CCDC88C: variants seen among roughly 807,000 people sequenced by gnomAD.
CCDC88C encodes the protein coiled-coil and HOOK domain protein 88C, also known as protein Daple.
Under a neutral mutation model 198.8 loss-of-function variants are expected in CCDC88C, and 131 were observed. The ratio of observed to expected loss-of-function variants is 0.66; its 90% CI spans 0.57 to 0.76. The LOEUF (loss-of-function observed/expected upper bound fraction) is 0.76, where lower values mean the gene tolerates loss of function less well. Among genes scored for constraint, CCDC88C ranks in the 30% least tolerant of loss-of-function variants. The pLI is 0.00. For synonymous variants in CCDC88C, 1,166 were observed against 1,114.7 expected (o/e 1.05, Z -0.92); for missense variants, 2,553 against 2,631.6 (o/e 0.97, Z 0.65).
In CCDC88C at chr14:91,272,502, C is replaced by T. The variant is rs1478746843; in HGVS notation, c.*123G>A. ...ATTCACAGAACAAACAGCAGAAATG[C>T]GTGGGAACCCCTTTCCTCATTCCAA... On this transcript the variant is annotated 3_prime_UTR_variant, in exon 30 of 30. Coordinates refer to ENST00000389857, the MANE Select transcript of CCDC88C (RefSeq NM_001080414.4). 2.9e-5 allele frequency: 28 copies of T among 975,072 alleles called. No individual in the cohort carries two copies. The East Asian group carries it at 5.7e-4, about 20-fold the overall frequency. The allele number at this position is 975,072 out of a possible 1,614,324, so 60.4% of individuals were successfully genotyped here. A position where few individuals can be genotyped will look rare whatever the true frequency, so the allele number is the denominator to read the frequency against.
At chr14:91,299,385 T>C (rs554752241) in intron 21 of CCDC88C, among the ~76,000 whole-genome samples, 2 of 152,322 alleles carry the variant, frequency 1.3e-5, no homozygotes, top group African/African-American at 4.8e-5. Flanking sequence ...GAAGAGATTC[T>C]GAAAGGGACA....
At chr14:91,309,776 G>A in intron 16 of CCDC88C, 83 bp downstream of exon 16, 1 of 1,443,156 alleles carries the variant, frequency 6.9e-7, no homozygotes, top group Non-Finnish European at 9.4e-7. Context: ...GTTCATGGAG[G>A]TCTCAGGGGA....
intron 23 of CCDC88C, among the ~76,000 whole-genome samples, chr14:91,293,362 C>T (rs1351145591): frequency 5.2e-5 from 5 of 95,756 alleles, no homozygotes; most frequent in African/African-American, 1.3e-4. Context: ...TCGCCTGCCA[C>T]GGCCCACCTT....
intron 4 of CCDC88C, among the ~76,000 whole-genome samples, chr14:91,358,762 C>G (rs1894156898): frequency 6.6e-6 from 1 of 152,110 alleles, no homozygotes; most frequent in Non-Finnish European, 1.5e-5. Context: ...CTCGGCCTCC[C>G]AAAGTTTTGG....
At chr14:91,310,870 T>A (rs889358822) in intron 15 of CCDC88C, among the ~76,000 whole-genome samples, 4 of 152,114 alleles carry the variant, frequency 2.6e-5, no homozygotes, top group South Asian at 4.1e-4. Context: ...TACCAAATCC[T>A]CAGACCTGAA....
chr14:91,338,628 G>GCTT lies in CCDC88C; in HGVS notation c.810-59_810-58insAAG. 1 of 1,315,954 alleles carries GCTT rather than the reference G, an allele frequency of 7.6e-7. No homozygotes were observed. Among genetic ancestry groups the GCTT allele is most frequent in the Non-Finnish European group, 1.1e-6 (1 of 933,188 alleles). 81.5% of individuals were successfully genotyped at this position (1,315,954 alleles called of 1,614,324 possible). On this transcript the variant is annotated intron_variant, in intron 8 of 29. Transcript: ENST00000389857. The surrounding 1 kb of genome is among the most constrained non-coding windows in gnomAD (Gnocchi z 4.8). ...GGCAGCTTCCTCAACAAGCAGCCCT[G>GCTT]GGAGCAGGCTGCCACTTCCTAAAAC...
At position 91,273,364 on chromosome 14, in the gene CCDC88C, C is replaced by G; in HGVS notation, c.5348G>C (p.Arg1783Pro). 6.5e-7 allele frequency: 1 copy of G among 1,533,370 alleles called. No homozygotes were observed. Among genetic ancestry groups the G allele is most frequent in the East Asian group, 2.3e-5 (1 of 42,868 alleles). The allele number at this position is 1,533,370 out of a possible 1,614,324, so 95.0% of individuals were successfully genotyped here. Residue 1783 changes from arginine (R) to proline (P), a missense_variant, in exon 30 of 30, where the codon CGG becomes CCG. This residue lies in a region of CCDC88C where 1,293 missense variants were observed against 1,219.6 expected (regional missense o/e 1.06). Coordinates refer to ENST00000389857, the MANE Select transcript of CCDC88C (RefSeq NM_001080414.4). The surrounding 1 kb of genome is among the most constrained non-coding windows in gnomAD (Gnocchi z 5.6). ...GGAAGCTGGGGGCACCGGAGCCTGC[C>G]GGGGTCTGCCCAGAGACAGGCTCTG... The part of the protein sequence containing the change: ...PPQSLSLGRP[R>P]QAPVPPASHA...
At chr14:91,358,206 G>A (rs1894130719) in intron 4 of CCDC88C, among the ~76,000 whole-genome samples, 1 of 152,218 alleles carries the variant, frequency 6.6e-6, no homozygotes. Flanking sequence ...TGGTTACTCA[G>A]TGAACTCTTC....
intron 2 of CCDC88C, among the ~76,000 whole-genome samples, chr14:91,409,852 C>T (rs1217546024): frequency 6.6e-6 from 1 of 152,164 alleles, no homozygotes; most frequent in South Asian, 2.1e-4. Context: ...ACAGGTCTCC[C>T]TCTGTCATGC....
chr14:91,315,701 C>T lies in CCDC88C; in HGVS notation c.1614G>A (p.Lys538=). 6.2e-7 allele frequency: 1 copy of T among 1,613,870 alleles called. No individual in the cohort carries two copies. Among genetic ancestry groups the T allele is most frequent in the Non-Finnish European group, 8.5e-7 (1 of 1,179,846 alleles). The change falls in exon 14 of 30, where the codon AAG becomes AAA. Residue 538 remains lysine (K), a synonymous_variant. Coordinates refer to ENST00000389857, the MANE Select transcript of CCDC88C (RefSeq NM_001080414.4). ...ETLSEELIRE[K]EQLQSDMETL... is the part of the protein sequence containing the mutation. Reference sequence around the variant, plus strand: ...TCTCCATGTCACTCTGCAGCTGCTCCTTCTCTCTGATCAGCTCCTCACTGA... The same window carrying T: ...TCTCCATGTCACTCTGCAGCTGCTCTTTCTCTCTGATCAGCTCCTCACTGA...
chr14:91,363,262 T>G (rs1331606161), intron 3 of CCDC88C, among the ~76,000 whole-genome samples: 4 of 151,582 alleles, frequency 2.6e-5, no homozygotes, highest in Non-Finnish European at 4.4e-5. Flanking sequence ...ATAATTGACA[T>G]AAAAATGTAT....
At chr14:91,304,019 G>A (rs759425717) in intron 19 of CCDC88C, 41 bp from the exon 20 acceptor site, 1 of 1,580,714 alleles carries the variant, frequency 6.3e-7, no homozygotes, top group Non-Finnish European at 8.6e-7. Context: ...AGGCCCCACA[G>A]TCAGCGAGGA....
Position 91,272,599 on chromosome 14 carries a change from G to A in CCDC88C, c.*26C>T, listed in dbSNP as rs1186607371. ...TCGGAAGGCGCGTCAGTAGTTTTCAGGTTTGCGAGCTCAACCACGAGACAG... is the reference window on the plus strand; with the variant it reads ...TCGGAAGGCGCGTCAGTAGTTTTCAAGTTTGCGAGCTCAACCACGAGACAG... On this transcript the variant is annotated 3_prime_UTR_variant, in exon 30 of 30. Transcript: ENST00000389857. The A allele has an allele frequency of 6.3e-7, 1 of 1,585,196 alleles. No homozygotes were observed. Among genetic ancestry groups the A allele is most frequent in the Non-Finnish European group, 8.6e-7 (1 of 1,166,942 alleles).
intron 2 of CCDC88C, 81 bp downstream of exon 2, chr14:91,416,657 C>T (rs2140027237): frequency 1.9e-6 from 2 of 1,030,988 alleles, no homozygotes; most frequent in South Asian, 1.4e-5. Context: ...CACACCCCGC[C>T]ATGCAACCTT....
At position 91,339,231 on chromosome 14, in the gene CCDC88C, C is replaced by T; in HGVS notation, c.809+47G>A. ...ATGTGAGTCGACACCACACCAGAAA[C>T]ATGTCTGCAACACACACAAAGGTAG... On this transcript the variant is annotated intron_variant, in intron 8 of 29. Coordinates refer to ENST00000389857, the MANE Select transcript of CCDC88C (RefSeq NM_001080414.4). The surrounding 1 kb of genome is among the most constrained non-coding windows in gnomAD (Gnocchi z 5.8). 6.2e-7 allele frequency: 1 copy of T among 1,602,220 alleles called. No homozygotes were observed. The highest frequency in any genetic ancestry group is 8.5e-7 in the Non-Finnish European group (1 of 1,173,820).
At chr14:91,355,354 C>T (rs926324845) in intron 4 of CCDC88C, among the ~76,000 whole-genome samples, 1 of 152,172 alleles carries the variant, frequency 6.6e-6, no homozygotes, top group African/African-American at 2.4e-5. Flanking sequence ...GCCTGCACAC[C>T]GCCTCACTAT....
Position 91,288,487 on chromosome 14 carries a change from T to C in CCDC88C, c.4441+618A>G, listed in dbSNP as rs1316439161. On this transcript the variant is annotated intron_variant, in intron 25 of 29. Transcript: ENST00000389857. This position sits in a 1 kb window ranked among gnomAD's most constrained non-coding sequence, Gnocchi z 4.2. Reference sequence around the variant, plus strand: ...TGCACAAAGCAGCTTTCTACAAATCTGGCACATACGAGGCAGCCCAAAATA... The same window carrying C: ...TGCACAAAGCAGCTTTCTACAAATCCGGCACATACGAGGCAGCCCAAAATA... Among the ~76,000 whole-genome samples the C allele has an allele frequency of 6.6e-6, 1 of 152,258 alleles. No individual in the cohort carries two copies. The highest frequency in any genetic ancestry group is 1.9e-4 in the East Asian group (1 of 5,202).
chr14:91,308,615 G>C, intron 16 of CCDC88C, 123 bp from the exon 17 acceptor site: 1 of 1,049,918 alleles, frequency 9.5e-7, no homozygotes, highest in Non-Finnish European at 1.4e-6. Flanking sequence ...TGCAGCTTTT[G>C]GCCCAGAAGA....
intron 3 of CCDC88C, among the ~76,000 whole-genome samples, chr14:91,390,736 C>T (rs1201055582): frequency 2.0e-5 from 3 of 151,710 alleles, no homozygotes; most frequent in Admixed American, 6.6e-5. Context: ...AAGGGAGTTA[C>T]AAAGAAAAAA....
Sources: gnomAD v4.1 joint callset for allele counts (sites outside exome capture counted in the v4.1 genomes callset) on GRCh38, gnomAD v4.1.1 for gene constraint, gnomAD v4.1.1 regional missense constraint, Gnocchi (gnomAD v3.1) non-coding constraint, MANE v1.5 for transcripts, NCBI Gene and HGNC (gene_info 2026-07-23, HGNC 2026-07-21) for gene names.